HYDIN: variants seen among roughly 807,000 people sequenced by gnomAD.
HYDIN encodes the protein HYDIN axonemal central pair apparatus protein, also known as axonemal central pair apparatus protein HYDIN.
HYDIN carries 132 observed loss-of-function variants against 403.9 expected under a neutral mutation model. That is an observed-to-expected ratio of 0.33 (90% CI 0.28 to 0.38). HYDIN has a LOEUF of 0.38. Among genes scored for constraint, HYDIN ranks in the 10% least tolerant of loss-of-function variants. HYDIN has a pLI of 1.00. For missense variants in HYDIN, 2,827 were observed against 5,009.5 expected (o/e 0.56, Z 13.15); for synonymous variants, 1,202 against 1,891.7 (o/e 0.64, Z 9.46).
At chr16:71,229,513 A>C (rs1297104078) in intron 1 of HYDIN, among the ~76,000 whole-genome samples, 2 of 152,250 alleles carry the variant, frequency 1.3e-5, no homozygotes, top group Non-Finnish European at 2.9e-5. Flanking sequence ...AAGCAATCCT[A>C]ATGTCCATCA....
intron 41 of HYDIN, among the ~76,000 whole-genome samples, chr16:70,947,663 C>G (rs1293490640): frequency 6.6e-6 from 1 of 152,240 alleles, no homozygotes; most frequent in South Asian, 2.1e-4. Context: ...ACACCAATAA[C>G]AGACAAACAG....
intron 18 of HYDIN, among the ~76,000 whole-genome samples, chr16:71,045,360 C>T (rs2081418396): frequency 1.3e-5 from 2 of 152,212 alleles, no homozygotes; most frequent in Middle Eastern, 3.4e-3. Context: ...GGCCTTGAAC[C>T]CTGATGTGCT....
chr16:71,018,764 A>G (rs1344981160), intron 22 of HYDIN, among the ~76,000 whole-genome samples: 6 of 152,428 alleles, frequency 3.9e-5, no homozygotes, highest in Admixed American at 6.5e-5. Context: ...GTGTGGGGTT[A>G]TAAGAATTGA....
intron 75 of HYDIN, among the ~76,000 whole-genome samples, chr16:70,842,422 T>C (rs998469332): frequency 3.3e-5 from 5 of 151,482 alleles, no homozygotes; most frequent in Non-Finnish European, 7.4e-5. Context: ...GATTCTTTTA[T>C]CATTATAAAA....
intron 4 of HYDIN, 92 bp downstream of exon 4, chr16:71,178,836 G>C: frequency 9.4e-7 from 1 of 1,062,708 alleles, no homozygotes; most frequent in Non-Finnish European, 1.4e-6. Context: ...TCAAATTAAA[G>C]AACTTATCAA....
intron 83 of HYDIN, among the ~76,000 whole-genome samples, chr16:70,822,133 T>C (rs993555347): frequency 4.0e-5 from 6 of 151,832 alleles, no homozygotes; most frequent in Non-Finnish European, 8.8e-5. Context: ...ATTCTTCTGA[T>C]GGGTCTGGGC....
At chr16:71,162,896 T>C (rs544714372) in intron 5 of HYDIN, among the ~76,000 whole-genome samples, 166 bp from the exon 6 acceptor site, 5 of 152,182 alleles carry the variant, frequency 3.3e-5, no homozygotes, top group South Asian at 2.1e-4. Flanking sequence ...GATTGTCTTT[T>C]CTGAGAGAGA....
In HYDIN at chr16:70,833,082, A is replaced by C; in HGVS notation, c.13680-15T>G. Reference sequence around the variant, plus strand: ...CCCATTTAAACCTTTTCCAAGAAAAAGAAGAAAAGAAAGAGAGTTTATGGA... The same window carrying C: ...CCCATTTAAACCTTTTCCAAGAAAACGAAGAAAAGAAAGAGAGTTTATGGA... On this transcript the variant is annotated splice_polypyrimidine_tract_variant and intron_variant, in intron 79 of 85. Coordinates refer to ENST00000393567, the MANE Select transcript of HYDIN (RefSeq NM_001270974.2). The C allele has an allele frequency of 6.2e-7, 1 of 1,600,852 alleles. No homozygotes were observed. Among genetic ancestry groups the C allele is most frequent in the Non-Finnish European group, 8.5e-7 (1 of 1,173,770 alleles).
chr16:71,022,402 G>C (rs887759250), intron 21 of HYDIN, among the ~76,000 whole-genome samples: 5 of 152,194 alleles, frequency 3.3e-5, no homozygotes, highest in African/African-American at 1.2e-4. Context: ...ATCCCACAGA[G>C]ATGTGGTTTC....
intron 23 of HYDIN, among the ~76,000 whole-genome samples, chr16:71,006,385 AG>A (rs2144087557): frequency 6.8e-6 from 1 of 146,074 alleles, no homozygotes; most frequent in East Asian, 2.1e-4. Context: ...CTCAAAAGAG[AG>A]GGTCAATGGG....
Position 71,215,375 on chromosome 16 carries a change from T to A in HYDIN, c.-24+15187A>T, listed in dbSNP as rs76120325. 8.5e-3 allele frequency among the ~76,000 whole-genome samples: 1,294 copies of A among 152,208 alleles called. 18 individuals carry two copies. Among genetic ancestry groups the A allele is most frequent in the African/African-American group, 0.03 (1,230 of 41,530 alleles). On this transcript the variant is annotated intron_variant, in intron 1 of 85. Transcript: ENST00000393567. ...AAATAGTAAATGAGAAAAAGTTCTT[T>A]AAAGAAAAATTCTAGCTGATGAATG...
chr16:71,203,333 A>G (rs886285202), intron 1 of HYDIN, among the ~76,000 whole-genome samples: 2 of 152,170 alleles, frequency 1.3e-5, no homozygotes, highest in African/African-American at 2.4e-5. Flanking sequence ...TATTGAAGTA[A>G]AAGTTTCTGT....
intron 84 of HYDIN, among the ~76,000 whole-genome samples, chr16:70,814,022 G>T (rs1332213170): frequency 2.7e-5 from 4 of 149,096 alleles, no homozygotes; most frequent in Non-Finnish European, 6.0e-5. Flanking sequence ...TGGGGGAAAA[G>T]ATGGCCTTTT....
At chr16:70,861,840 G>A (rs1214776863) in intron 69 of HYDIN, among the ~76,000 whole-genome samples, 1 of 70,400 alleles carries the variant, frequency 1.4e-5, no homozygotes, top group Non-Finnish European at 2.9e-5. Flanking sequence ...CATCTGGAGA[G>A]GTTGATGAGC....
intron 12 of HYDIN, among the ~76,000 whole-genome samples, chr16:71,081,908 G>C (rs1181218360): frequency 8.5e-6 from 1 of 118,086 alleles, no homozygotes; most frequent in Non-Finnish European, 1.6e-5. Flanking sequence ...TAGGAGGGAA[G>C]AAAATTGCTT....
intron 7 of HYDIN, among the ~76,000 whole-genome samples, chr16:71,141,297 TATCTC>T (rs994092791): frequency 5.4e-5 from 8 of 149,070 alleles, no homozygotes; most frequent in African/African-American, 1.5e-4. Context: ...TGAAAAAACA[TATCTC>T]ATATCTTATA....
intron 10 of HYDIN, among the ~76,000 whole-genome samples, chr16:71,101,180 A>C (rs1331786782): frequency 2.1e-4 from 1 of 4,820 alleles, no homozygotes; most frequent in Non-Finnish European, 3.7e-4. Flanking sequence ...ACAAACTGAC[A>C]CAGAGTCCCT....
At chr16:71,196,975 G>C (rs1160791317) in intron 1 of HYDIN, among the ~76,000 whole-genome samples, 1 of 152,152 alleles carries the variant, frequency 6.6e-6, no homozygotes, top group Non-Finnish European at 1.5e-5. Context: ...CTCTGCCTAT[G>C]GGGTAGCCAT....
chr16:70,876,254 T>C (rs1213776703), intron 62 of HYDIN, among the ~76,000 whole-genome samples: 2 of 147,584 alleles, frequency 1.4e-5, no homozygotes, highest in Non-Finnish European at 3.0e-5. Context: ...GGTGAAATCT[T>C]GGCTCACTGC....
Sources: gnomAD v4.1 joint callset for allele counts (sites outside exome capture counted in the v4.1 genomes callset) on GRCh38, gnomAD v4.1.1 for gene constraint, MANE v1.5 for transcripts, NCBI Gene and HGNC (gene_info 2026-07-23, HGNC 2026-07-21) for gene names.